The following NFE2L3 variants were observed in gnomAD, a reference collection of about 807,000 sequenced individuals.
NFE2L3 encodes nuclear factor erythroid 2-related factor 3.
In NFE2L3, 18 loss-of-function variants were observed where a neutral mutation model predicts 23.5. The ratio of observed to expected loss-of-function variants is 0.77; its 90% confidence interval spans 0.53 to 1.13. The LOEUF is 1.13. NFE2L3 is among the 50% of genes most tolerant of loss of function. NFE2L3 has a pLI of 0.00. For synonymous variants in NFE2L3, 424 were observed against 354.5 expected (o/e 1.20, Z -2.20); for missense variants, 1,152 against 877.2 (o/e 1.31, Z -3.96).
intron 1 of NFE2L3, among the ~76,000 whole-genome samples, chr7:26,162,456 GT>G (rs1192202669): frequency 6.6e-6 from 1 of 151,964 alleles, no homozygotes; most frequent in Non-Finnish European, 1.5e-5. Context: ...TCTGTATTCT[GT>G]TTACGTATGT....
chr7:26,164,537 T>A (rs376238041), intron 1 of NFE2L3, among the ~76,000 whole-genome samples: 9 of 152,160 alleles, frequency 5.9e-5, no homozygotes, highest in Non-Finnish European at 1.3e-4. Context: ...GTTTGAGTTC[T>A]TTGTAGATTC....
intron 1 of NFE2L3, among the ~76,000 whole-genome samples, chr7:26,166,999 TA>T (rs1469908454): frequency 6.6e-6 from 1 of 152,240 alleles, no homozygotes; most frequent in Non-Finnish European, 1.5e-5. Flanking sequence ...GCAAACCCTC[TA>T]CCACATGACT....
At chr7:26,169,926 C>T (rs796280086) in intron 1 of NFE2L3, among the ~76,000 whole-genome samples, 5 of 150,524 alleles carry the variant, frequency 3.3e-5, no homozygotes, top group African/African-American at 1.2e-4. Flanking sequence ...GGCGAGACCC[C>T]GTCTCTACCA....
At chr7:26,160,035 C>G (rs974432695) in intron 1 of NFE2L3, among the ~76,000 whole-genome samples, 2 of 149,780 alleles carry the variant, frequency 1.3e-5, no homozygotes, top group African/African-American at 5.0e-5. Flanking sequence ...CTTACTGCAG[C>G]CTCAACCTTC....
intron 1 of NFE2L3, among the ~76,000 whole-genome samples, chr7:26,156,178 C>T (rs891952221): frequency 3.3e-5 from 5 of 152,166 alleles, no homozygotes; most frequent in African/African-American, 7.2e-5. Flanking sequence ...CAATGGGAAT[C>T]AGAAGGGGCT....
At chr7:26,178,729 T>C (rs1417047087) in intron 2 of NFE2L3, among the ~76,000 whole-genome samples, 1 of 152,172 alleles carries the variant, frequency 6.6e-6, no homozygotes, top group Non-Finnish European at 1.5e-5. Flanking sequence ...CTGTGCTTCC[T>C]CCTCCTTTCA....
In NFE2L3 at chr7:26,159,949, C is replaced by CTTT. The variant is rs59484170; in HGVS notation, c.570+6899_570+6901dup. Among the ~76,000 whole-genome samples the CTTT allele has an allele frequency of 1.1e-3, 135 of 118,436 alleles. 3 individuals are homozygous for CTTT. Among genetic ancestry groups the CTTT allele is most frequent in the African/African-American group, 2.3e-3 (69 of 30,174 alleles). 77.7% of individuals were successfully genotyped at this position (118,436 alleles called of 152,430 possible). The stretch of plus-strand genomic sequence containing the variant: ...AGAGTTTATTCTTAAAATCTTGTTG[C>CTTT]TTTTTTTTTTTTTTTTTTTTGAGAG... On this transcript the variant is annotated intron_variant, in intron 1 of 3. Transcript: ENST00000056233.
chr7:26,171,967 G>A (rs1397838356), intron 1 of NFE2L3, among the ~76,000 whole-genome samples: 2 of 152,214 alleles, frequency 1.3e-5, no homozygotes, highest in Non-Finnish European at 2.9e-5. Context: ...ATGACTGACT[G>A]TATCTCAAAT....
At chr7:26,182,111 C>T (rs2237329) in intron 2 of NFE2L3, among the ~76,000 whole-genome samples, 7,539 of 152,052 alleles carry the variant, frequency 0.05, 556 homozygotes, top group East Asian at 0.36. Flanking sequence ...GAGCTCCTAA[C>T]GAAAACAAAT....
chr7:26,162,494 TACAAAAA>T (rs1784187944), intron 1 of NFE2L3, among the ~76,000 whole-genome samples: 1 of 152,062 alleles, frequency 6.6e-6, no homozygotes, highest in South Asian at 2.1e-4. Context: ...TAAGGAAAAA[TACAAAAA>T]ACATCATGTA....
chr7:26,166,332 C>T (rs948285091), intron 1 of NFE2L3, among the ~76,000 whole-genome samples: 3 of 152,118 alleles, frequency 2.0e-5, no homozygotes, highest in Non-Finnish European at 4.4e-5. Context: ...CTGACCTCCC[C>T]CTTGGCTATA....
chr7:26,176,451 G>A (rs1373937986), intron 1 of NFE2L3, among the ~76,000 whole-genome samples: 4 of 151,674 alleles, frequency 2.6e-5, no homozygotes, highest in Admixed American at 6.6e-5. Flanking sequence ...AGGCAGAGGC[G>A]CTCCTCACTT....
At chr7:26,173,857 G>A (rs1361505530) in intron 1 of NFE2L3, 2 of 152,212 alleles carry the variant, frequency 1.3e-5, no homozygotes, top group South Asian at 2.1e-4. Context: ...TAGCATTCTA[G>A]TAGGACAAAC....
rs764375821 is a variant in NFE2L3 at position 26,185,825 on chromosome 7, TTCAGAAACTGATTATTTGGA to T, written c.*51_*70del. On this transcript the variant is annotated 3_prime_UTR_variant, in exon 4 of 4. Coordinates refer to ENST00000056233, the MANE Select transcript of NFE2L3 (RefSeq NM_004289.7). ...GACTCTATTATGTGAAGTAGTAATG[TTCAGAAACTGATTATTTGGA>T]TCAGAAACCATTGAAACTGCTTCAA... is the stretch of plus-strand genomic sequence containing the variant. 8.9e-6 allele frequency: 13 copies of T among 1,460,292 alleles called. No individual in the cohort carries two copies. The East Asian group carries it at 1.4e-4, about 16-fold the overall frequency. The allele number at this position is 1,460,292 out of a possible 1,614,324, so 90.5% of individuals were successfully genotyped here.
intron 1 of NFE2L3, among the ~76,000 whole-genome samples, chr7:26,170,358 A>T (rs1475508200): frequency 6.6e-6 from 1 of 152,150 alleles, no homozygotes; most frequent in Non-Finnish European, 1.5e-5. Flanking sequence ...TCCCCACCTC[A>T]GTCCAGAGTT....
intron 1 of NFE2L3, among the ~76,000 whole-genome samples, chr7:26,156,544 G>A (rs1024118177): frequency 5.3e-5 from 8 of 152,160 alleles, no homozygotes; most frequent in African/African-American, 1.7e-4. Flanking sequence ...GGGCTGACAC[G>A]CTTCCCTTCA....
At chr7:26,162,254 T>C (rs1784183410) in intron 1 of NFE2L3, among the ~76,000 whole-genome samples, 2 of 151,252 alleles carry the variant, frequency 1.3e-5, no homozygotes, top group African/African-American at 4.9e-5. Flanking sequence ...GGGTGTCAGT[T>C]TACATGGGTG....
chr7:26,173,909 T>C (rs1784360677), intron 1 of NFE2L3: 1 of 152,194 alleles, frequency 6.6e-6, no homozygotes, highest in South Asian at 2.1e-4. Flanking sequence ...TGGTGCTAAA[T>C]GCTATGGAGA....
chr7:26,153,340 G>C (rs1262882733), intron 1 of NFE2L3, among the ~76,000 whole-genome samples: 2 of 152,234 alleles, frequency 1.3e-5, no homozygotes, highest in Non-Finnish European at 2.9e-5. Flanking sequence ...GCTGGCAAGA[G>C]TAGTTCGGGG....
Sources: allele counts gnomAD v4.1 joint callset (sites outside exome capture counted in the v4.1 genomes callset), GRCh38; gene constraint gnomAD v4.1.1; transcripts MANE v1.5; gene names NCBI Gene and HGNC (gene_info 2026-07-23, HGNC 2026-07-21).